The following RBKS variants were observed in gnomAD, a reference collection of about 807,000 sequenced individuals.
RBKS encodes the protein ribokinase.
RBKS carries 33 observed loss-of-function variants against 33.9 expected under a neutral mutation model. The ratio of observed to expected loss-of-function variants is 0.97; its 90% CI spans 0.74 to 1.30. The LOEUF (loss-of-function observed/expected upper bound fraction) is 1.30, where lower values mean the gene tolerates loss of function less well. Ranked by LOEUF, RBKS falls within the 50% of genes most tolerant of loss-of-function variation. The probability of loss-of-function intolerance (pLI) is 0.00; values close to 1 mark genes in which losing one functional copy is unlikely to be tolerated. For synonymous variants in RBKS, 125 were observed against 143.0 expected, an observed-to-expected ratio of 0.87 and a Z score of 0.90; for missense variants, 361 against 392.6, an observed-to-expected ratio of 0.92 and a Z score of 0.68.
intron 2 of RBKS, among the ~76,000 whole-genome samples, chr2:27,848,769 A>C: frequency 6.8e-6 from 1 of 146,820 alleles, no homozygotes; most frequent in South Asian, 2.1e-4. Flanking sequence ...TTGAACCCGG[A>C]GGTGGAGGTT....
intron 1 of RBKS, among the ~76,000 whole-genome samples, chr2:27,877,371 C>G (rs1249484938): frequency 2.0e-5 from 3 of 151,442 alleles, no homozygotes; most frequent in African/African-American, 4.9e-5. Context: ...TTTATATCTT[C>G]TGTCATTTCA....
At chr2:27,865,616 T>G (rs1380111884) in intron 1 of RBKS, among the ~76,000 whole-genome samples, 1 of 148,780 alleles carries the variant, frequency 6.7e-6, no homozygotes, top group Admixed American at 6.7e-5. Flanking sequence ...TCTCAGTAAG[T>G]TGCCCAGGGC....
In RBKS at chr2:27,890,174, C is replaced by A. The variant is rs1664697538; in HGVS notation, c.89+83G>T. 8 of 1,325,684 alleles carry A rather than the reference C, an allele frequency of 6.0e-6. No individual in the cohort carries two copies. The highest frequency in any genetic ancestry group is 7.5e-6 in the Non-Finnish European group (7 of 936,192). 82.1% of individuals were successfully genotyped at this position (1,325,684 alleles called of 1,614,324 possible). On this transcript the variant is annotated intron_variant, in intron 1 of 7. Coordinates refer to ENST00000302188, the MANE Select transcript of RBKS (RefSeq NM_022128.3). The surrounding 1 kb of genome is among the most constrained non-coding windows in gnomAD (Gnocchi z 4.8). ...GCACTGTCTATCCCTGGAGACCCAG[C>A]GCCCAAAAGCTCCACTGGGCGCATA...
In RBKS at chr2:27,795,688, C is replaced by A. The variant is rs1186892957; in HGVS notation, c.796-13900G>T. ...AAATGGCAGAGCTGCACTTTGTACC[C>A]AGACCCAGTGATTCCGCTCCCATCC... On this transcript the variant is annotated intron_variant, in intron 7 of 7. Transcript: ENST00000302188. The surrounding 1 kb of genome is among the most constrained non-coding windows in gnomAD (Gnocchi z 4.1). Among the ~76,000 whole-genome samples, 1 of 152,138 alleles carries A rather than the reference C, an allele frequency of 6.6e-6. No individual in the cohort carries two copies. Among genetic ancestry groups the A allele is most frequent in the Non-Finnish European group, 1.5e-5 (1 of 68,036 alleles).
chr2:27,883,703 T>C (rs1664466969), intron 1 of RBKS, among the ~76,000 whole-genome samples: 1 of 151,928 alleles, frequency 6.6e-6, no homozygotes, highest in Non-Finnish European at 1.5e-5. Flanking sequence ...ACACAGTAGG[T>C]GCTCTTTCTT....
rs1553378510 is a variant in RBKS at position 27,843,199 on chromosome 2, T to G, written c.382A>C (p.Asn128His). 1.9e-6 allele frequency: 3 copies of G among 1,612,378 alleles called. No individual in the cohort carries two copies. Among genetic ancestry groups the G allele is most frequent in the Middle Eastern group, 3.3e-4 (2 of 6,054 alleles). The change falls in exon 5 of 8, where the codon AAT becomes CAT. Residue 128 changes from asparagine (N) to histidine (H), a missense_variant. Physicochemically the swap from Asn to His is moderately conservative, Grantham distance 68 (BLOSUM62 1). Transcript: ENST00000302188. Reference sequence around the variant, plus strand: ...AGATCCTCCGTATTCAAAAGTAAATTTGCTCCAGCCACTATGACAATGATA... The same window carrying G: ...AGATCCTCCGTATTCAAAAGTAAATGTGCTCCAGCCACTATGACAATGATA... Reference protein sequence around the residue: ...QNIIVIVAGANLLLNTEDLRA... With the variant: ...QNIIVIVAGAHLLLNTEDLRA...
chr2:27,843,445 T>G (rs1168306333), intron 4 of RBKS, among the ~76,000 whole-genome samples: 1 of 152,214 alleles, frequency 6.6e-6, no homozygotes, highest in Non-Finnish European at 1.5e-5. Context: ...TCTGATCACC[T>G]TAAGCAAAAT....
intron 1 of RBKS, among the ~76,000 whole-genome samples, chr2:27,879,435 AT>A (rs1351867076): frequency 6.6e-6 from 1 of 152,172 alleles, no homozygotes; most frequent in African/African-American, 2.4e-5. Flanking sequence ...TAATGCCATT[AT>A]CATGGGAGTG....
intron 7 of RBKS, among the ~76,000 whole-genome samples, chr2:27,806,539 C>T (rs1009859500): frequency 2.0e-5 from 3 of 152,064 alleles, no homozygotes; most frequent in Admixed American, 6.6e-5. Flanking sequence ...TTTGATTTTC[C>T]GGATGAGAAA....
chr2:27,855,778 T>C (rs995120160), intron 2 of RBKS, among the ~76,000 whole-genome samples: 24 of 152,256 alleles, frequency 1.6e-4, no homozygotes, highest in Non-Finnish European at 2.1e-4. Context: ...TCACAATATC[T>C]TAACAAATAT....
Position 27,804,523 on chromosome 2 carries a change from G to A in RBKS, c.796-22735C>T, listed in dbSNP as rs185992976. On this transcript the variant is annotated intron_variant, in intron 7 of 7. Transcript: ENST00000302188. ...TATTGTTCCATAATTATCCAATAAT[G>A]TAACCATAATAAACCAATTATTAAT... Among the ~76,000 whole-genome samples the A allele has an allele frequency of 4.6e-5, 7 of 152,242 alleles. No homozygotes were observed. The East Asian group carries it at 7.7e-4, about 17-fold the overall frequency.
intron 1 of RBKS, among the ~76,000 whole-genome samples, chr2:27,879,949 C>CA (rs1023240494): frequency 1.3e-4 from 20 of 152,104 alleles, no homozygotes; most frequent in African/African-American, 4.8e-4. Flanking sequence ...GAAACTATTC[C>CA]AAAAAACTGA....
intron 7 of RBKS, among the ~76,000 whole-genome samples, chr2:27,791,643 C>CA (rs1553374280): frequency 7.3e-5 from 9 of 123,094 alleles, no homozygotes; most frequent in Admixed American, 4.8e-4. Flanking sequence ...CACACACACA[C>CA]TAAATATACA....
At chr2:27,888,789 T>TA (rs11298702) in intron 1 of RBKS, among the ~76,000 whole-genome samples, 1,545 of 151,706 alleles carry the variant, frequency 0.01, 25 homozygotes, top group African/African-American at 0.035. Context: ...AAAATGTTGT[T>TA]AAAAAAAAAT....
At chr2:27,842,140 G>C (rs917277406) in intron 5 of RBKS, among the ~76,000 whole-genome samples, 3 of 152,196 alleles carry the variant, frequency 2.0e-5, no homozygotes, top group Non-Finnish European at 2.9e-5. Flanking sequence ...ACAAGGGACA[G>C]AAATGGGATT....
intron 1 of RBKS, among the ~76,000 whole-genome samples, chr2:27,888,109 T>C (rs1664582061): frequency 6.6e-6 from 1 of 151,982 alleles, no homozygotes; most frequent in African/African-American, 2.4e-5. Flanking sequence ...AGGTAGGATG[T>C]ATGAGAAAAT....
At chr2:27,859,980 T>C (rs1406484775) in intron 1 of RBKS, among the ~76,000 whole-genome samples, 1 of 152,190 alleles carries the variant, frequency 6.6e-6, no homozygotes, top group Non-Finnish European at 1.5e-5. Flanking sequence ...TATATAGCTC[T>C]AAAAGTGTCA....
chr2:27,869,327 G>T (rs972898284), intron 1 of RBKS, among the ~76,000 whole-genome samples: 1 of 152,138 alleles, frequency 6.6e-6, no homozygotes, highest in Non-Finnish European at 1.5e-5. Context: ...AATTCAGAAG[G>T]CATTAAGTGA....
chr2:27,834,887 A>G (rs931750857), intron 5 of RBKS, among the ~76,000 whole-genome samples: 1 of 152,224 alleles, frequency 6.6e-6, no homozygotes, highest in African/African-American at 2.4e-5. Context: ...AGAAATCCAT[A>G]AGCATGCAAA....
Sources: allele counts gnomAD v4.1 joint callset (sites outside exome capture counted in the v4.1 genomes callset), GRCh38; gene constraint gnomAD v4.1.1; non-coding constraint Gnocchi (gnomAD v3.1); transcripts MANE v1.5; gene names NCBI Gene and HGNC (gene_info 2026-07-23, HGNC 2026-07-21).